The following GFPT1 variants were observed in gnomAD, a reference collection of about 807,000 sequenced individuals.
The protein encoded by GFPT1 is glutamine--fructose-6-phosphate transaminase 1, also known as glutamine--fructose-6-phosphate aminotransferase [isomerizing] 1.
In GFPT1, 40 loss-of-function variants were observed where a neutral mutation model predicts 92.0. The ratio of observed to expected loss-of-function variants is 0.43; its 90% confidence interval spans 0.34 to 0.57. GFPT1 has a LOEUF of 0.57. Ranked by LOEUF, GFPT1 falls within the 20% of genes least tolerant of loss-of-function variation. The probability of loss-of-function intolerance (pLI) is 0.02; values close to 1 mark genes in which losing one functional copy is unlikely to be tolerated. For synonymous variants in GFPT1, 269 were observed against 280.6 expected (o/e 0.96, Z 0.41); for missense variants, 448 against 869.1 (o/e 0.52, Z 6.09).
intron 11 of GFPT1, among the ~76,000 whole-genome samples, chr2:69,347,801 C>G (rs1213717005): frequency 6.6e-6 from 1 of 152,058 alleles, no homozygotes; most frequent in Non-Finnish European, 1.5e-5. Context: ...GCTTCTTAAT[C>G]CTCAAAACAA....
chr2:69,337,683 G>A (rs1670834116), intron 15 of GFPT1, among the ~76,000 whole-genome samples: 1 of 152,054 alleles, frequency 6.6e-6, no homozygotes, highest in Non-Finnish European at 1.5e-5. Context: ...TCAGGAAGAG[G>A]GAGAGAATGA....
chr2:69,352,612 CAAAAAAAAA>C (rs748958210), intron 9 of GFPT1, among the ~76,000 whole-genome samples: 11 of 47,388 alleles, frequency 2.3e-4, no homozygotes, highest in East Asian at 8.3e-4. Flanking sequence ...GACTTCGTCT[CAAAAAAAAA>C]AAAAAAAAAA....
chr2:69,370,250 C>CAA (rs2104680287), intron 2 of GFPT1, 142 bp from the exon 3 acceptor site: 1 of 667,654 alleles, frequency 1.5e-6, no homozygotes, highest in African/African-American at 1.8e-5. Flanking sequence ...CTACTGAAAA[C>CAA]CTATTGTGTG....
intron 19 of GFPT1, among the ~76,000 whole-genome samples, 176 bp downstream of exon 19, chr2:69,326,738 A>G (rs1248170613): frequency 6.6e-5 from 10 of 152,244 alleles, no homozygotes; most frequent in Admixed American, 5.9e-4. Flanking sequence ...TTCAAGTTCT[A>G]TGGGTAAGAA....
At chr2:69,342,438 G>A (rs924013841) in intron 12 of GFPT1, among the ~76,000 whole-genome samples, 189 bp from the exon 13 acceptor site, 7 of 152,086 alleles carry the variant, frequency 4.6e-5, no homozygotes, top group East Asian at 1.9e-4. Flanking sequence ...CTTCACTGGC[G>A]CCCCCAAACT....
chr2:69,340,012 G>C (rs1046670844), intron 13 of GFPT1, among the ~76,000 whole-genome samples: 1 of 151,956 alleles, frequency 6.6e-6, no homozygotes, highest in Middle Eastern at 3.4e-3. Flanking sequence ...AAAATAAAAA[G>C]ATGGGGAAAG....
intron 13 of GFPT1, among the ~76,000 whole-genome samples, chr2:69,339,814 C>T (rs191487198): frequency 9.6e-4 from 146 of 152,248 alleles, no homozygotes; most frequent in Middle Eastern, 3.4e-3. Flanking sequence ...AATATTACAA[C>T]ATCATGTAAA....
At chr2:69,382,237 G>C (rs975873279) in intron 1 of GFPT1, among the ~76,000 whole-genome samples, 4 of 152,120 alleles carry the variant, frequency 2.6e-5, no homozygotes, top group Admixed American at 2.6e-4. Flanking sequence ...AAAATATTCT[G>C]AGGCTCCTTC....
intron 4 of GFPT1, among the ~76,000 whole-genome samples, chr2:69,363,112 G>A (rs1290228928): frequency 2.0e-5 from 3 of 152,030 alleles, no homozygotes; most frequent in African/African-American, 4.8e-5. Flanking sequence ...CAGGCATGGT[G>A]GACAGACAGG....
intron 1 of GFPT1, among the ~76,000 whole-genome samples, chr2:69,382,659 T>G (rs961319256): frequency 6.6e-6 from 1 of 152,240 alleles, no homozygotes; most frequent in Non-Finnish European, 1.5e-5. Context: ...TCTGTTTTCC[T>G]GGCACTTCTA....
Position 69,328,282 on chromosome 2 carries a change from C to T in GFPT1, c.1882G>A (p.Val628Ile), listed in dbSNP as rs190072721. The T allele has an allele frequency of 7.0e-4, 1,123 of 1,613,704 alleles. 3 individuals are homozygous for T. The highest frequency in any genetic ancestry group is 1.0e-3 in the South Asian group (92 of 91,068). ...GTCCCCCGACTTACCTGCCGAGCAA[C>T]CACTTGCTGAAGAGCATTCTGACAC... ...AKCQNALQQVVARQGRPVVIC... is the reference protein window; with the variant it reads ...AKCQNALQQVIARQGRPVVIC... The change falls in exon 18 of 20, where the codon GTT (valine) becomes ATT (isoleucine). Residue 628 changes from valine (V) to isoleucine (I), a missense_variant. Coordinates refer to ENST00000357308, the MANE Select transcript of GFPT1 (RefSeq NM_001244710.2).
intron 11 of GFPT1, among the ~76,000 whole-genome samples, chr2:69,346,296 T>G (rs1574058545): frequency 6.6e-6 from 1 of 151,152 alleles, no homozygotes. Flanking sequence ...TGGAGTGGAG[T>G]GGCATGATGT....
intron 3 of GFPT1, among the ~76,000 whole-genome samples, chr2:69,364,037 C>T (rs1214886373): frequency 1.3e-5 from 2 of 151,714 alleles, no homozygotes; most frequent in Non-Finnish European, 1.5e-5. Context: ...TTCGCCTGAA[C>T]CCAGGAGGCA....
chr2:69,377,105 G>A (rs1287878349), intron 1 of GFPT1, among the ~76,000 whole-genome samples: 2 of 151,356 alleles, frequency 1.3e-5, no homozygotes, highest in East Asian at 1.9e-4. Flanking sequence ...CTACTCAGGC[G>A]GCTGAAGCAG....
At chr2:69,339,415 G>A (rs967202505) in intron 13 of GFPT1, among the ~76,000 whole-genome samples, 1 of 152,196 alleles carries the variant, frequency 6.6e-6, no homozygotes, top group Non-Finnish European at 1.5e-5. Flanking sequence ...GAAGTAGGGA[G>A]CAGTATGCCT....
Position 69,329,739 on chromosome 2 carries a change from C to G in GFPT1, c.1542G>C (p.Arg514=). 1.2e-6 allele frequency: 2 copies of G among 1,613,600 alleles called. No homozygotes were observed. Among genetic ancestry groups the G allele is most frequent in the Non-Finnish European group, 1.7e-6 (2 of 1,179,554 alleles). ...CTTTGCGTCTTTCTTGCATGGAGATCCGATCATCACACATCATAAGGGCAA... is the reference window on the plus strand; with the variant it reads ...CTTTGCGTCTTTCTTGCATGGAGATGCGATCATCACACATCATAAGGGCAA... The part of the protein sequence containing the change: ...VMFALMMCDD[R]ISMQERRKEI... Residue 514 remains arginine (R), a synonymous_variant, in exon 16 of 20, where the codon CGG becomes CGC. Coordinates refer to ENST00000357308, the MANE Select transcript of GFPT1 (RefSeq NM_001244710.2).
Position 69,321,492 on chromosome 2 carries a change from T to C in GFPT1, c.*4697A>G, listed in dbSNP as rs1347859865. The C allele has an allele frequency of 6.6e-6, 1 of 152,232 alleles. No individual in the cohort carries two copies. Among genetic ancestry groups the C allele is most frequent in the Non-Finnish European group, 1.5e-5 (1 of 68,038 alleles). 9.4% of individuals were successfully genotyped at this position (152,232 alleles called of 1,614,324 possible). A position where few individuals can be genotyped will look rare whatever the true frequency, so the allele number is the denominator to read the frequency against. On this transcript the variant is annotated 3_prime_UTR_variant, in exon 20 of 20. Transcript: ENST00000357308. Reference sequence around the variant, plus strand: ...ACTACAAATGTGTATACACTTCAAATATTAGCAAATTGCTTCAAAATGAAA... The same window carrying C: ...ACTACAAATGTGTATACACTTCAAACATTAGCAAATTGCTTCAAAATGAAA...
At chr2:69,384,956 ATCT>A (rs1193376295) in intron 1 of GFPT1, among the ~76,000 whole-genome samples, 1 of 152,140 alleles carries the variant, frequency 6.6e-6, no homozygotes, top group Non-Finnish European at 1.5e-5. Context: ...AATGACACTC[ATCT>A]TCTTATCTTT....
chr2:69,354,794 A>T (rs1481132003), intron 7 of GFPT1, among the ~76,000 whole-genome samples: 1 of 152,180 alleles, frequency 6.6e-6, no homozygotes. Flanking sequence ...AGGCAGGCAG[A>T]TCACTTGAGC....
Sources: allele counts gnomAD v4.1 joint callset (sites outside exome capture counted in the v4.1 genomes callset), GRCh38; gene constraint gnomAD v4.1.1; transcripts MANE v1.5; gene names NCBI Gene and HGNC (gene_info 2026-07-23, HGNC 2026-07-21).